Variants in ARHGAP32 observed in about 807,000 individuals in gnomAD.
ARHGAP32 encodes the protein Rho GTPase activating protein 32, also known as rho GTPase-activating protein 32.
In ARHGAP32, 51 loss-of-function variants were observed where a neutral mutation model predicts 186.5. That is an observed-to-expected ratio of 0.27 (90% CI 0.22 to 0.35). The LOEUF (loss-of-function observed/expected upper bound fraction) is 0.35, where lower values mean the gene tolerates loss of function less well. Among genes scored for constraint, ARHGAP32 ranks in the 10% least tolerant of loss-of-function variants. The pLI is 1.00. For missense variants in ARHGAP32, 2,186 were observed against 2,623.5 expected (o/e 0.83, Z 3.64); for synonymous variants, 950 against 964.3 (o/e 0.99, Z 0.27).
At chr11:129,109,260 G>A (rs893511254) in intron 5 of ARHGAP32, among the ~76,000 whole-genome samples, 8 of 151,470 alleles carry the variant, frequency 5.3e-5, no homozygotes, top group Non-Finnish European at 1.0e-4. Flanking sequence ...AATAGTATTC[G>A]ATTGCATATA....
chr11:129,065,943 C>G (rs1454566266), intron 7 of ARHGAP32, among the ~76,000 whole-genome samples: 2 of 152,216 alleles, frequency 1.3e-5, no homozygotes, highest in East Asian at 3.9e-4. Context: ...TGGGTACATT[C>G]TGTATGGAGT....
At position 128,981,459 on chromosome 11, in the gene ARHGAP32, C is replaced by T. The variant is rs1282379881; in HGVS notation, c.1737G>A (p.Val579=). ...CCATGCTGATTCTGCCGCTGAACAG[C>T]ACATCAACGTGATTCAGGATGAACT... ...VVEFILNHVD[V]LFSGRISMAM... is the part of the protein sequence containing the mutation. The change falls in exon 17 of 23, where the codon GTG becomes GTA. Residue 579 remains valine, a synonymous_variant. Transcript: ENST00000682385. 2 of 1,613,512 alleles carry T rather than the reference C, an allele frequency of 1.2e-6. No homozygotes were observed. Among genetic ancestry groups the T allele is most frequent in the Admixed American group, 3.3e-5 (2 of 59,942 alleles).
chr11:128,975,871 A>C (rs1945528529), intron 20 of ARHGAP32, among the ~76,000 whole-genome samples: 1 of 152,142 alleles, frequency 6.6e-6, no homozygotes, highest in Non-Finnish European at 1.5e-5. Context: ...CTAAGTGGCA[A>C]AACCCCGTAT....
At chr11:129,107,643 C>A (rs1360758281) in intron 5 of ARHGAP32, among the ~76,000 whole-genome samples, 1 of 151,988 alleles carries the variant, frequency 6.6e-6, no homozygotes, top group Non-Finnish European at 1.5e-5. Flanking sequence ...CCACAGCAGG[C>A]GGATCGCCTG....
intron 11 of ARHGAP32, among the ~76,000 whole-genome samples, chr11:129,034,385 C>G (rs1308059125): frequency 6.6e-6 from 1 of 152,076 alleles, no homozygotes; most frequent in Non-Finnish European, 1.5e-5. Flanking sequence ...GGGAAGGTTG[C>G]CTAAATCACT....
At chr11:129,234,387 A>G (rs1436178012) in intron 1 of ARHGAP32, among the ~76,000 whole-genome samples, 2 of 152,220 alleles carry the variant, frequency 1.3e-5, no homozygotes, top group Middle Eastern at 3.4e-3. Context: ...ATAAAAATAT[A>G]TATGTAAAAT....
At chr11:129,173,987 C>T (rs570817519) in intron 1 of ARHGAP32, among the ~76,000 whole-genome samples, 3 of 152,210 alleles carry the variant, frequency 2.0e-5, no homozygotes, top group African/African-American at 4.8e-5. Flanking sequence ...CCAGCGTGAG[C>T]GACGCAGAAG....
At chr11:129,169,988 T>C (rs529324194) in intron 1 of ARHGAP32, among the ~76,000 whole-genome samples, 1 of 152,078 alleles carries the variant, frequency 6.6e-6, no homozygotes, top group Non-Finnish European at 1.5e-5. Context: ...GAGAAAATTA[T>C]AGGTTGATAT....
chr11:129,192,169 T>G lies in ARHGAP32; in HGVS notation c.30A>C (p.Leu10Phe). Residue 10 changes from leucine to phenylalanine, a missense_variant, in exon 1 of 23, where the codon TTA (leucine) becomes TTC (phenylalanine). Leu to Phe is a conservative substitution (Grantham distance 22). Coordinates refer to ENST00000682385, the MANE Select transcript of ARHGAP32 (RefSeq NM_001378024.1). METESESST[L>F]GDDSVFWLES... ...CCAACCAGAAGACACTGTCATCCCC[T>G]AAAGTGCTACTCTCACTTTCAGTCT... The G allele has an allele frequency of 6.2e-7, 1 of 1,613,792 alleles. No homozygotes were observed. The highest frequency in any genetic ancestry group is 8.5e-7 in the Non-Finnish European group (1 of 1,179,788).
chr11:129,170,079 G>A (rs548152943), intron 1 of ARHGAP32, among the ~76,000 whole-genome samples: 1 of 151,730 alleles, frequency 6.6e-6, no homozygotes, highest in Non-Finnish European at 1.5e-5. Context: ...TATACAAAAA[G>A]GATAGTGACC....
At chr11:129,151,748 A>T (rs1023200173) in intron 2 of ARHGAP32, among the ~76,000 whole-genome samples, 5 of 152,172 alleles carry the variant, frequency 3.3e-5, no homozygotes, top group Non-Finnish European at 7.4e-5. Context: ...CATAGCATTA[A>T]ATGCCCATAT....
intron 5 of ARHGAP32, among the ~76,000 whole-genome samples, chr11:129,106,225 T>A (rs1030895864): frequency 6.6e-6 from 1 of 152,132 alleles, no homozygotes; most frequent in East Asian, 1.9e-4. Context: ...ATGCACTCAC[T>A]TGTTCATCAC....
intron 11 of ARHGAP32, among the ~76,000 whole-genome samples, chr11:129,029,354 G>C (rs1938995771): frequency 6.6e-6 from 1 of 152,212 alleles, no homozygotes; most frequent in Admixed American, 6.5e-5. Flanking sequence ...ACACAAGCTA[G>C]TTAACCCATG....
intron 1 of ARHGAP32, among the ~76,000 whole-genome samples, chr11:129,226,173 T>G (rs1944779250): frequency 6.6e-6 from 1 of 152,074 alleles, no homozygotes; most frequent in Admixed American, 6.6e-5. Context: ...TCAAGCACAC[T>G]TGCATACATA....
chr11:129,075,977 TAGCAGGCGGTAAAGA>T (rs1412849944), intron 6 of ARHGAP32, among the ~76,000 whole-genome samples: 2 of 152,002 alleles, frequency 1.3e-5, no homozygotes, highest in African/African-American at 4.8e-5. Context: ...GCTGATAAAA[TAGCAGGCGGTAAAGA>T]AGCCGGCCAA....
rs189296735 is a variant in ARHGAP32 at position 129,136,597 on chromosome 11, A to G, written c.226-11703T>C. Among the ~76,000 whole-genome samples, 11 of 152,324 alleles carry G rather than the reference A, an allele frequency of 7.2e-5. No individual in the cohort carries two copies. The East Asian group carries it at 2.1e-3, about 29-fold the overall frequency. On this transcript the variant is annotated intron_variant, in intron 2 of 22. Coordinates refer to ENST00000682385, the MANE Select transcript of ARHGAP32 (RefSeq NM_001378024.1). ...CTCATTAAACACAAATGCAAAAAACATAAGCTAAATAGAATAATAAATCAA... is the reference window on the plus strand; with the variant it reads ...CTCATTAAACACAAATGCAAAAAACGTAAGCTAAATAGAATAATAAATCAA...
In ARHGAP32 at chr11:129,090,801, G is replaced by A. The variant is rs576867058; in HGVS notation, c.531+2820C>T. Among the ~76,000 whole-genome samples, 266 of 152,134 alleles carry A rather than the reference G, an allele frequency of 1.7e-3. 2 individuals carry two copies. Among genetic ancestry groups the A allele is most frequent in the African/African-American group, 6.1e-3 (255 of 41,526 alleles). On this transcript the variant is annotated intron_variant, in intron 6 of 22. Transcript: ENST00000682385. ...ACAAAACGTTTTATTCTGTGTAGTG[G>A]GGCTCAATATAATTAGTGTCAGGGT...
At position 129,157,918 on chromosome 11, in the gene ARHGAP32, C is replaced by T. The variant is rs552742956; in HGVS notation, c.225+6401G>A. ...TACAAGCCAGAAGAGAGTAGGGGGC[C>T]AATATTCAACATTCTAAAAAGAATT... On this transcript the variant is annotated intron_variant, in intron 2 of 22. Transcript: ENST00000682385. 3.3e-5 allele frequency among the ~76,000 whole-genome samples: 5 copies of T among 152,228 alleles called. No individual in the cohort carries two copies. In the East Asian group the frequency reaches 7.7e-4, roughly 23 times the overall value.
intron 6 of ARHGAP32, among the ~76,000 whole-genome samples, chr11:129,086,246 T>C (rs978613167): frequency 1.3e-5 from 2 of 152,172 alleles, no homozygotes; most frequent in East Asian, 1.9e-4. Context: ...AAAACGATTC[T>C]AGACACAGAC....
Sources: gnomAD v4.1 joint callset for allele counts (sites outside exome capture counted in the v4.1 genomes callset) on GRCh38, gnomAD v4.1.1 for gene constraint, MANE v1.5 for transcripts, NCBI Gene and HGNC (gene_info 2026-07-23, HGNC 2026-07-21) for gene names.